The following NTM variants were observed in gnomAD, a reference collection of about 807,000 sequenced individuals.
The protein encoded by NTM is neurotrimin.
NTM carries 13 observed loss-of-function variants against 42.1 expected under a neutral mutation model. The ratio of observed to expected loss-of-function variants is 0.31; its 90% CI spans 0.20 to 0.49. The LOEUF is 0.49. Ranked by LOEUF, NTM falls within the 20% of genes least tolerant of loss-of-function variation. The pLI is 0.99. For missense variants in NTM, 373 were observed against 452.8 expected, an observed-to-expected ratio of 0.82 and a Z score of 1.60; for synonymous variants, 187 against 179.2, an observed-to-expected ratio of 1.04 and a Z score of -0.35.
At chr11:131,509,059 AAG>A (rs1491029889) in intron 1 of NTM, among the ~76,000 whole-genome samples, 1 of 152,158 alleles carries the variant, frequency 6.6e-6, no homozygotes, top group Admixed American at 6.5e-5. Context: ...AATAATAAAA[AAG>A]AAATTTGCTC....
intron 1 of NTM, among the ~76,000 whole-genome samples, chr11:131,447,642 G>T (rs1370492221): frequency 6.6e-6 from 1 of 152,128 alleles, no homozygotes. Context: ...CATTCTGATT[G>T]CATCCCATGC....
At chr11:131,552,970 A>T (rs2054911779) in intron 1 of NTM, among the ~76,000 whole-genome samples, 1 of 152,230 alleles carries the variant, frequency 6.6e-6, no homozygotes, top group African/African-American at 2.4e-5. Context: ...AGACTCACAC[A>T]ATCCAAACCA....
At chr11:131,970,789 C>T (rs2063429267) in intron 2 of NTM, among the ~76,000 whole-genome samples, 1 of 152,188 alleles carries the variant, frequency 6.6e-6, no homozygotes, top group Non-Finnish European at 1.5e-5. Context: ...ACATCATCAT[C>T]CCTGACAAGG....
At chr11:132,113,364 G>A (rs1345398111) in intron 2 of NTM, among the ~76,000 whole-genome samples, 1 of 152,210 alleles carries the variant, frequency 6.6e-6, no homozygotes, top group East Asian at 1.9e-4. Flanking sequence ...ATCACAAAGA[G>A]GAAAGCTATC....
At chr11:131,460,002 TA>T (rs1036049724) in intron 1 of NTM, among the ~76,000 whole-genome samples, 1 of 152,098 alleles carries the variant, frequency 6.6e-6, no homozygotes, top group East Asian at 1.9e-4. Context: ...TGGCAGAACT[TA>T]AAAAAAATGC....
intron 2 of NTM, among the ~76,000 whole-genome samples, chr11:131,920,938 A>G (rs984719852): frequency 2.6e-5 from 4 of 152,206 alleles, no homozygotes; most frequent in African/African-American, 4.8e-5. Context: ...GGATGAGTGA[A>G]AAAAATGCTC....
At chr11:132,311,782 A>G (rs1440531644) in intron 6 of NTM, among the ~76,000 whole-genome samples, 1 of 152,228 alleles carries the variant, frequency 6.6e-6, no homozygotes, top group Non-Finnish European at 1.5e-5. Flanking sequence ...TATAAGGGAA[A>G]GCAAAATCTT....
At chr11:131,741,892 C>T (rs2081248542) in intron 1 of NTM, among the ~76,000 whole-genome samples, 2 of 152,100 alleles carry the variant, frequency 1.3e-5, no homozygotes, top group Non-Finnish European at 2.9e-5. Context: ...TACTATGTAG[C>T]CATAATAAGG....
intron 2 of NTM, among the ~76,000 whole-genome samples, chr11:131,980,280 A>T (rs1430333551): frequency 6.6e-6 from 1 of 152,212 alleles, no homozygotes; most frequent in Non-Finnish European, 1.5e-5. Flanking sequence ...TATATTCAGA[A>T]TAAGGCCGAT....
At chr11:131,477,633 A>G (rs947994262) in intron 1 of NTM, among the ~76,000 whole-genome samples, 1 of 151,956 alleles carries the variant, frequency 6.6e-6, no homozygotes, top group Non-Finnish European at 1.5e-5. Flanking sequence ...TACCTCCCTG[A>G]ATAATCTCTT....
intron 2 of NTM, among the ~76,000 whole-genome samples, chr11:131,919,319 T>C (rs2056887292): frequency 6.6e-6 from 1 of 152,192 alleles, no homozygotes; most frequent in South Asian, 2.1e-4. Context: ...AGATAACTAA[T>C]ACTAAATAAA....
At chr11:132,297,994 C>T (rs1459604011) in intron 4 of NTM, among the ~76,000 whole-genome samples, 2 of 152,210 alleles carry the variant, frequency 1.3e-5, no homozygotes, top group Admixed American at 6.5e-5. Context: ...ATAGGCTGCC[C>T]TGCTTCCCAA....
At chr11:131,860,190 G>C (rs1055330722) in intron 1 of NTM, among the ~76,000 whole-genome samples, 1 of 152,200 alleles carries the variant, frequency 6.6e-6, no homozygotes, top group Admixed American at 6.5e-5. Flanking sequence ...CCTTCACTGA[G>C]AGAGGGACTG....
At chr11:132,051,038 G>C (rs1195838196) in intron 2 of NTM, among the ~76,000 whole-genome samples, 1 of 152,210 alleles carries the variant, frequency 6.6e-6, no homozygotes, top group Non-Finnish European at 1.5e-5. Context: ...CCTTGGTAAA[G>C]ACAGATGCCT....
At chr11:132,067,162 C>T (rs755871065) in intron 2 of NTM, among the ~76,000 whole-genome samples, 2 of 152,138 alleles carry the variant, frequency 1.3e-5, no homozygotes, top group Non-Finnish European at 2.9e-5. Flanking sequence ...CACCATGTTG[C>T]TCATGCTGGT....
chr11:132,077,041 C>T (rs189513911), intron 2 of NTM, among the ~76,000 whole-genome samples: 49 of 152,310 alleles, frequency 3.2e-4, no homozygotes, highest in Admixed American at 2.8e-3. Context: ...CTGCTTTCTT[C>T]ACATTAAGCT....
chr11:131,871,843 C>T (rs2047822660), intron 1 of NTM, among the ~76,000 whole-genome samples: 1 of 152,164 alleles, frequency 6.6e-6, no homozygotes, highest in South Asian at 2.1e-4. Flanking sequence ...CCTTTGTCAT[C>T]AGGTACTGTG....
At chr11:132,138,103 C>A (rs930941611) in intron 2 of NTM, among the ~76,000 whole-genome samples, 2 of 152,150 alleles carry the variant, frequency 1.3e-5, no homozygotes, top group African/African-American at 2.4e-5. Flanking sequence ...CTCTTTCCAA[C>A]CTTGGCAGCC....
At chr11:132,320,930 C>A (rs1238013639) in intron 7 of NTM, among the ~76,000 whole-genome samples, 2 of 150,960 alleles carry the variant, frequency 1.3e-5, no homozygotes, top group Non-Finnish European at 3.0e-5. Flanking sequence ...ACACCTCACA[C>A]TGCAGGGTAC....
Sources: allele counts gnomAD v4.1 joint callset (sites outside exome capture counted in the v4.1 genomes callset), GRCh38; gene constraint gnomAD v4.1.1; transcripts MANE v1.5; gene names NCBI Gene and HGNC (gene_info 2026-07-23, HGNC 2026-07-21).